Variants in GBE1 observed in about 807,000 individuals in gnomAD.
GBE1 encodes the protein 1,4-alpha-glucan branching enzyme 1.
Under a neutral mutation model 88.8 loss-of-function variants are expected in GBE1, and 70 were observed. The ratio of observed to expected loss-of-function variants is 0.79; its 90% confidence interval spans 0.65 to 0.96. GBE1 has a LOEUF of 0.96. Ranked by LOEUF, GBE1 falls within the 40% of genes least tolerant of loss-of-function variation. The pLI is 0.00. For synonymous variants in GBE1, 284 were observed against 300.1 expected, an observed-to-expected ratio of 0.95 and a Z score of 0.56; for missense variants, 872 against 871.0, an observed-to-expected ratio of 1.00 and a Z score of -0.01.
intron 1 of GBE1, among the ~76,000 whole-genome samples, chr3:81,737,304 T>C (rs1706271054): frequency 2.0e-5 from 2 of 98,572 alleles, no homozygotes; most frequent in African/African-American, 9.6e-5. Flanking sequence ...TTTATATAAA[T>C]ATATATTTAT....
At chr3:81,658,543 T>C (rs1704975213) in intron 3 of GBE1, among the ~76,000 whole-genome samples, 1 of 152,142 alleles carries the variant, frequency 6.6e-6, no homozygotes, top group Non-Finnish European at 1.5e-5. Flanking sequence ...TTAGAATGAT[T>C]TAGAGAGACA....
intron 7 of GBE1, among the ~76,000 whole-genome samples, chr3:81,640,136 T>G (rs374857976): frequency 1.3e-5 from 2 of 152,184 alleles, no homozygotes; most frequent in African/African-American, 4.8e-5. Flanking sequence ...TCATGACTAA[T>G]TGTGATGGTT....
At chr3:81,709,763 TTC>T (rs1423757540) in intron 1 of GBE1, among the ~76,000 whole-genome samples, 3 of 152,298 alleles carry the variant, frequency 2.0e-5, no homozygotes, top group African/African-American at 7.2e-5. Context: ...GCCCTACAGC[TTC>T]TGATACAGAA....
intron 1 of GBE1, among the ~76,000 whole-genome samples, chr3:81,721,676 T>G (rs1332070631): frequency 2.0e-5 from 3 of 152,214 alleles, no homozygotes; most frequent in Non-Finnish European, 4.4e-5. Flanking sequence ...GATCATGTTT[T>G]GTTTAAAATT....
At chr3:81,653,920 T>A (rs1442486062) in intron 3 of GBE1, among the ~76,000 whole-genome samples, 1 of 152,164 alleles carries the variant, frequency 6.6e-6, no homozygotes, top group Non-Finnish European at 1.5e-5. Flanking sequence ...AGCGGTTTAG[T>A]AAGGATTACA....
At chr3:81,664,044 G>A (rs1705073742) in intron 3 of GBE1, among the ~76,000 whole-genome samples, 2 of 152,162 alleles carry the variant, frequency 1.3e-5, no homozygotes, top group South Asian at 4.1e-4. Flanking sequence ...CCGTGCATTT[G>A]GTTTCAAAAT....
In GBE1 at chr3:81,578,072, C is replaced by T. The variant is rs772670028; in HGVS notation, c.1471G>A (p.Ala491Thr). The part of the protein sequence containing the change: ...DQALVGDKSL[A>T]FWLMDAEMYT... Reference sequence around the variant, plus strand: ...ATTTCGGCATCCATCAACCAAAATGCCAGCGACTTATCCCCAACCAATGCC... The same window carrying T: ...ATTTCGGCATCCATCAACCAAAATGTCAGCGACTTATCCCCAACCAATGCC... Residue 491 changes from alanine to threonine, a missense_variant, in exon 12 of 16, where the codon GCA (alanine) becomes ACA (threonine). By Grantham distance (58) the Ala-to-Thr change is moderately conservative (BLOSUM62 0). Coordinates refer to ENST00000429644, the MANE Select transcript of GBE1 (RefSeq NM_000158.4). 1.9e-6 allele frequency: 3 copies of T among 1,603,984 alleles called. No homozygotes were observed. Among genetic ancestry groups the T allele is most frequent in the Non-Finnish European group, 2.6e-6 (3 of 1,175,036 alleles).
chr3:81,578,563 A>G (rs149222789), intron 11 of GBE1, among the ~76,000 whole-genome samples: 2 of 151,462 alleles, frequency 1.3e-5, no homozygotes, highest in East Asian at 3.8e-4. Context: ...ATGTGTATAA[A>G]TATATCACAA....
chr3:81,667,175 G>A (rs974521498), intron 3 of GBE1, among the ~76,000 whole-genome samples: 3 of 152,114 alleles, frequency 2.0e-5, no homozygotes, highest in African/African-American at 7.2e-5. Context: ...CTTGTTAACT[G>A]TATTTCTAGG....
chr3:81,611,471 G>A (rs541099510), intron 7 of GBE1, among the ~76,000 whole-genome samples: 5 of 152,288 alleles, frequency 3.3e-5, no homozygotes, highest in Admixed American at 3.3e-4. Context: ...AAAGGCACAC[G>A]ATGTAGAAAA....
intron 7 of GBE1, among the ~76,000 whole-genome samples, chr3:81,631,057 A>T (rs2107034877): frequency 6.6e-6 from 1 of 152,046 alleles, no homozygotes; most frequent in East Asian, 1.9e-4. Flanking sequence ...AAAAATAATT[A>T]GCCAGGCATG....
intron 3 of GBE1, among the ~76,000 whole-genome samples, chr3:81,651,917 C>T (rs1041270035): frequency 3.9e-5 from 6 of 152,212 alleles, no homozygotes; most frequent in Non-Finnish European, 7.3e-5. Context: ...TTGCTGTACA[C>T]ACAAATGTCT....
chr3:81,721,972 C>G (rs1204024718), intron 1 of GBE1, among the ~76,000 whole-genome samples: 1 of 152,114 alleles, frequency 6.6e-6, no homozygotes. Context: ...TTACTAAGGG[C>G]ACTCAGCAAG....
In GBE1 at chr3:81,626,612, G is replaced by A. The variant is rs117314125; in HGVS notation, c.992+16169C>T. ...CTACTCCAGGCAAAGATAAAAGCAT[G>A]CACAACAGCCCCAGTGCATGAAAAG... On this transcript the variant is annotated intron_variant, in intron 7 of 15. Coordinates refer to ENST00000429644, the MANE Select transcript of GBE1 (RefSeq NM_000158.4). Among the ~76,000 whole-genome samples, 32 of 151,954 alleles carry A rather than the reference G, an allele frequency of 2.1e-4. No homozygotes were observed. In the East Asian group the frequency reaches 4.5e-3, roughly 21 times the overall value.
At chr3:81,533,312 G>A (rs2106866638) in intron 14 of GBE1, among the ~76,000 whole-genome samples, 1 of 152,190 alleles carries the variant, frequency 6.6e-6, no homozygotes, top group East Asian at 1.9e-4. Flanking sequence ...GAATAGTACT[G>A]TACTTCTTTA....
intron 2 of GBE1, among the ~76,000 whole-genome samples, chr3:81,689,119 C>T (rs1196625304): frequency 1.3e-5 from 2 of 151,924 alleles, no homozygotes; most frequent in African/African-American, 4.8e-5. Flanking sequence ...ATCTAAAATC[C>T]AAGAAAATTG....
At chr3:81,677,851 T>G (rs1385755754) in intron 2 of GBE1, among the ~76,000 whole-genome samples, 1 of 152,160 alleles carries the variant, frequency 6.6e-6, no homozygotes, top group Admixed American at 6.5e-5. Flanking sequence ...TCTTAACACA[T>G]ATTAGTTTAG....
chr3:81,607,166 C>A (rs958807352), intron 7 of GBE1, among the ~76,000 whole-genome samples: 2 of 152,068 alleles, frequency 1.3e-5, no homozygotes, highest in African/African-American at 4.8e-5. Context: ...TTATTTTATT[C>A]AAAAAAGTTT....
chr3:81,648,975 G>A lies in GBE1; in HGVS notation c.572C>T (p.Pro191Leu). ...AATTCTTAGACTCCGTGGCTTCTTTGGTCTGGAATGCTTAAACTACAGAAT... is the reference window on the plus strand; with the variant it reads ...AATTCTTAGACTCCGTGGCTTCTTTAGTCTGGAATGCTTAAACTACAGAAT... The part of the protein sequence containing the change: ...EHSYEFKHSR[P>L]KKPRSLRIYE... The change falls in exon 5 of 16, where the codon CCA (proline) becomes CTA (leucine). Residue 191 changes from proline (P) to leucine (L), a missense_variant. Pro to Leu is a moderately conservative substitution (Grantham distance 98). Transcript: ENST00000429644. The A allele has an allele frequency of 6.3e-7, 1 of 1,582,508 alleles. No individual in the cohort carries two copies. Among genetic ancestry groups the A allele is most frequent in the Non-Finnish European group, 8.6e-7 (1 of 1,162,268 alleles).
Sources: allele counts gnomAD v4.1 joint callset (sites outside exome capture counted in the v4.1 genomes callset), GRCh38; gene constraint gnomAD v4.1.1; transcripts MANE v1.5; gene names NCBI Gene and HGNC (gene_info 2026-07-23, HGNC 2026-07-21).